CACNA1E: variants seen among roughly 807,000 people sequenced by gnomAD.
The protein encoded by CACNA1E is voltage-dependent R-type calcium channel subunit alpha-1E.
CACNA1E carries 40 observed loss-of-function variants against 259.2 expected under a neutral mutation model. The observed-to-expected ratio is 0.15, with a 90% CI of 0.12 to 0.20. CACNA1E has a LOEUF of 0.20. CACNA1E is among the 10% of genes least tolerant of loss of function. The probability of loss-of-function intolerance (pLI) is 1.00; values close to 1 mark genes in which losing one functional copy is unlikely to be tolerated. For synonymous variants in CACNA1E, 1,104 were observed against 1,138.5 expected, an observed-to-expected ratio of 0.97 and a Z score of 0.61; for missense variants, 1,874 against 3,040.1, an observed-to-expected ratio of 0.62 and a Z score of 9.02.
intron 1 of CACNA1E, among the ~76,000 whole-genome samples, chr1:181,400,976 A>G (rs1378155302): frequency 1.3e-5 from 2 of 152,098 alleles, no homozygotes; most frequent in Non-Finnish European, 1.5e-5. Flanking sequence ...AAGGCTTCCC[A>G]CTTACCTCAG....
chr1:181,641,294 A>G (rs764780075), intron 6 of CACNA1E, among the ~76,000 whole-genome samples: 10 of 152,210 alleles, frequency 6.6e-5, no homozygotes, highest in Non-Finnish European at 1.5e-4. Flanking sequence ...GTAAGGGGAC[A>G]GGAGGGAGAA....
intron 7 of CACNA1E, among the ~76,000 whole-genome samples, chr1:181,653,519 C>T (rs757757530): frequency 2.6e-5 from 4 of 152,142 alleles, no homozygotes; most frequent in Admixed American, 6.5e-5. Context: ...CTCAGTCTTG[C>T]GTATGTCTTT....
Position 181,758,457 on chromosome 1 carries a change from T to C in CACNA1E, c.4495-301T>C, listed in dbSNP as rs199917. The stretch of plus-strand genomic sequence containing the variant: ...TCAGAGAGGCTCATCCTATTTAATA[T>C]TAAATGACTAACTCCAGTAACTAAC... On this transcript the variant is annotated intron_variant, in intron 31 of 47. Transcript: ENST00000367573. The surrounding 1 kb of genome is among the most constrained non-coding windows in gnomAD (Gnocchi z 4.2). Among the ~76,000 whole-genome samples the C allele has an allele frequency of 0.83, 126,870 of 152,170 alleles. 52,986 individuals carry two copies. The highest frequency in any genetic ancestry group is 0.87 in the South Asian group (4,212 of 4,820).
chr1:181,532,484 G>GGCTGTGCAGGC (rs1319267375), intron 3 of CACNA1E, among the ~76,000 whole-genome samples: 4 of 152,224 alleles, frequency 2.6e-5, no homozygotes, highest in Non-Finnish European at 4.4e-5. Context: ...TTGGTGCAGG[G>GGCTGTGCAGGC]GCTGTGCAGG....
intron 2 of CACNA1E, among the ~76,000 whole-genome samples, chr1:181,440,819 C>T (rs1168706076): frequency 2.6e-5 from 4 of 151,430 alleles, no homozygotes; most frequent in Non-Finnish European, 4.4e-5. Flanking sequence ...CCTGTCTCCA[C>T]AAAAAATTTA....
At chr1:181,477,731 A>G (rs1662959387) in intron 2 of CACNA1E, among the ~76,000 whole-genome samples, 1 of 152,270 alleles carries the variant, frequency 6.6e-6, no homozygotes, top group African/African-American at 2.4e-5. Context: ...GTCTGTAGAC[A>G]TGCAGTGTTT....
chr1:181,641,914 A>G (rs1222660358), intron 6 of CACNA1E, among the ~76,000 whole-genome samples: 1 of 151,814 alleles, frequency 6.6e-6, no homozygotes, highest in African/African-American at 2.4e-5. Context: ...GGGTTTCACC[A>G]TCTTGGCCAG....
rs996103769 is a variant in CACNA1E at position 181,804,570 on chromosome 1, G to A, written c.*5736G>A. 1.6e-4 allele frequency: 25 copies of A among 152,112 alleles called. No homozygotes were observed. Among genetic ancestry groups the A allele is most frequent in the African/African-American group, 7.2e-5 (3 of 41,408 alleles). 9.4% of individuals were successfully genotyped at this position (152,112 alleles called of 1,614,324 possible). On this transcript the variant is annotated 3_prime_UTR_variant, in exon 48 of 48. Coordinates refer to ENST00000367573, the MANE Select transcript of CACNA1E (RefSeq NM_001205293.3). ...GTAATCTGATAAATGAAAACTATTG[G>A]AAGTCAATAGTTTTTTATATTCCAG...
chr1:181,341,015 C>G (rs1652098792), intron 1 of CACNA1E, among the ~76,000 whole-genome samples: 1 of 152,098 alleles, frequency 6.6e-6, no homozygotes, highest in Non-Finnish European at 1.5e-5. Context: ...GATTAAGAAG[C>G]CCGTCTGAGA....
chr1:181,553,342 A>G (rs1001297367), intron 3 of CACNA1E, among the ~76,000 whole-genome samples: 1 of 152,078 alleles, frequency 6.6e-6, no homozygotes, highest in Non-Finnish European at 1.5e-5. Flanking sequence ...TGATTTTTGC[A>G]CATTGATTTT....
At chr1:181,476,575 C>A (rs1383567458) in intron 2 of CACNA1E, among the ~76,000 whole-genome samples, 2 of 152,210 alleles carry the variant, frequency 1.3e-5, no homozygotes, top group Non-Finnish European at 2.9e-5. Flanking sequence ...ACGAATCCAA[C>A]CTGGGCACCT....
chr1:181,345,256 A>G (rs1247329898), intron 1 of CACNA1E, among the ~76,000 whole-genome samples: 2 of 152,204 alleles, frequency 1.3e-5, no homozygotes, highest in Non-Finnish European at 2.9e-5. Context: ...ATTGCATTGG[A>G]GTGCTGGTAG....
intron 2 of CACNA1E, among the ~76,000 whole-genome samples, chr1:181,461,312 C>T (rs11580179): frequency 0.028 from 4,221 of 152,050 alleles, 71 homozygotes; most frequent in Middle Eastern, 0.061. Context: ...GAGGCCGAGG[C>T]GGGCGGATCA....
At position 181,559,123 on chromosome 1, in the gene CACNA1E, C is replaced by CA. The variant is rs1558126180; in HGVS notation, c.513-18642dup. Among the ~76,000 whole-genome samples, 3 of 152,158 alleles carry CA rather than the reference C, an allele frequency of 2.0e-5. 1 individual carries two copies. In the East Asian group the frequency reaches 5.8e-4, roughly 29 times the overall value. Reference sequence around the variant, plus strand: ...CCCAGATCACAGAGATCAGTGGAGACAGCCTGAATCTTGCAGGGCCTGGGA... The same window carrying CA: ...CCCAGATCACAGAGATCAGTGGAGACAAGCCTGAATCTTGCAGGGCCTGGGA... On this transcript the variant is annotated intron_variant, in intron 3 of 47. Transcript: ENST00000367573.
At chr1:181,682,103 A>G (rs996703779) in intron 7 of CACNA1E, among the ~76,000 whole-genome samples, 1 of 152,188 alleles carries the variant, frequency 6.6e-6, no homozygotes, top group African/African-American at 2.4e-5. Flanking sequence ...CTGGGAGCCA[A>G]AAGTATTATG....
intron 1 of CACNA1E, among the ~76,000 whole-genome samples, chr1:181,342,190 G>A (rs372987157): frequency 2.0e-5 from 3 of 152,186 alleles, no homozygotes; most frequent in East Asian, 3.8e-4. Flanking sequence ...TGACGCAGGC[G>A]TGGCATGTTC....
chr1:181,488,569 T>G (rs541889448), intron 1 of CACNA1E, among the ~76,000 whole-genome samples: 1 of 152,304 alleles, frequency 6.6e-6, no homozygotes, highest in African/African-American at 2.4e-5. Context: ...CCATGACTTG[T>G]TGTGGGGACC....
chr1:181,610,486 C>T (rs1200168698), intron 6 of CACNA1E, among the ~76,000 whole-genome samples: 1 of 152,220 alleles, frequency 6.6e-6, no homozygotes, highest in Non-Finnish European at 1.5e-5. Flanking sequence ...TGTGGTCTGT[C>T]TTTGGCTTTG....
chr1:181,783,846 C>T, intron 40 of CACNA1E, 62 bp downstream of exon 40: 1 of 1,027,652 alleles, frequency 9.7e-7, no homozygotes, highest in Non-Finnish European at 1.5e-6. Context: ...ATGCAGGTGG[C>T]ACAGGATGGA....
Sources: allele counts gnomAD v4.1 joint callset (sites outside exome capture counted in the v4.1 genomes callset), GRCh38; gene constraint gnomAD v4.1.1; non-coding constraint Gnocchi (gnomAD v3.1); transcripts MANE v1.5; gene names NCBI Gene and HGNC (gene_info 2026-07-23, HGNC 2026-07-21).